The following ZFYVE9 variants were observed in gnomAD, a reference collection of about 807,000 sequenced individuals.
ZFYVE9 encodes the protein zinc finger FYVE-type containing 9.
A neutral mutation model predicts 126.7 loss-of-function variants in ZFYVE9; 43 were observed. The ratio of observed to expected loss-of-function variants is 0.34; its 90% CI spans 0.27 to 0.44. The LOEUF (loss-of-function observed/expected upper bound fraction) is 0.44. Ranked by LOEUF, ZFYVE9 falls within the 20% of genes least tolerant of loss-of-function variation. ZFYVE9 has a pLI of 1.00. For synonymous variants in ZFYVE9, 521 were observed against 597.4 expected, an observed-to-expected ratio of 0.87 and a Z score of 1.87; for missense variants, 1,476 against 1,697.0, an observed-to-expected ratio of 0.87 and a Z score of 2.29.
intron 4 of ZFYVE9, among the ~76,000 whole-genome samples, chr1:52,260,910 A>C (rs986901076): frequency 1.3e-5 from 2 of 152,188 alleles, no homozygotes; most frequent in African/African-American, 4.8e-5. Flanking sequence ...GCCTCAGCAT[A>C]TTCCATGCAT....
rs1020584693 is a variant in ZFYVE9, at chr1:52,238,698, G to T, written c.1281G>T (p.Gln427His). 18 of 1,614,002 alleles carry T rather than the reference G, an allele frequency of 1.1e-5. No homozygotes were observed. Among genetic ancestry groups the T allele is most frequent in the Non-Finnish European group, 1.4e-5 (17 of 1,179,990 alleles). The change falls in exon 4 of 19, where the codon CAG (glutamine) becomes CAT (histidine). Residue 427 changes from glutamine (Q) to histidine (H), a missense_variant. Coordinates refer to ENST00000287727, the MANE Select transcript of ZFYVE9 (RefSeq NM_004799.4). ...AGGAAAAGTTTCTACAGATTAGTCA[G>T]CCTGAGGACACTAATGGTGATAGTG... ...EEKEKFLQIS[Q>H]PEDTNGDSGG...
At chr1:52,259,691 G>A (rs1277706530) in intron 4 of ZFYVE9, among the ~76,000 whole-genome samples, 1 of 151,932 alleles carries the variant, frequency 6.6e-6, no homozygotes, top group African/African-American at 2.4e-5. Context: ...CAGCTGTTCA[G>A]GAGGCTGAAG....
intron 4 of ZFYVE9, among the ~76,000 whole-genome samples, chr1:52,247,924 A>G (rs941843751): frequency 5.9e-5 from 9 of 152,096 alleles, no homozygotes; most frequent in African/African-American, 2.2e-4. Context: ...TGGTTACACA[A>G]TGTTTGTACC....
intron 2 of ZFYVE9, among the ~76,000 whole-genome samples, chr1:52,223,957 T>C (rs947190294): frequency 6.6e-6 from 1 of 152,162 alleles, no homozygotes; most frequent in Non-Finnish European, 1.5e-5. Context: ...AAGTGTACAG[T>C]TGTGGCTCCA....
At chr1:52,177,147 G>A (rs1417925040) in intron 1 of ZFYVE9, among the ~76,000 whole-genome samples, 6 of 149,140 alleles carry the variant, frequency 4.0e-5, no homozygotes, top group Admixed American at 2.0e-4. Context: ...TCCCCAGCCC[G>A]ATTTTTTTTT....
At chr1:52,281,135 CT>C (rs539866378) in intron 9 of ZFYVE9, among the ~76,000 whole-genome samples, 82 of 137,208 alleles carry the variant, frequency 6.0e-4, no homozygotes, top group East Asian at 8.3e-4. Flanking sequence ...CTTTTCTTTT[CT>C]TTTTTTTTTT....
chr1:52,257,952 C>A (rs1304470340), intron 4 of ZFYVE9, among the ~76,000 whole-genome samples: 1 of 152,178 alleles, frequency 6.6e-6, no homozygotes, highest in Non-Finnish European at 1.5e-5. Flanking sequence ...GTCTCAAACT[C>A]CTGACCTCAG....
chr1:52,312,968 G>A (rs1301533657), intron 13 of ZFYVE9, among the ~76,000 whole-genome samples: 1 of 152,104 alleles, frequency 6.6e-6, no homozygotes, highest in East Asian at 1.9e-4. Flanking sequence ...AATCCAATAT[G>A]ACTGGTGTCC....
At chr1:52,312,164 C>T (rs1375861465) in intron 13 of ZFYVE9, among the ~76,000 whole-genome samples, 1 of 152,080 alleles carries the variant, frequency 6.6e-6, no homozygotes, top group Non-Finnish European at 1.5e-5. Flanking sequence ...ATCTAACTTC[C>T]CAATATAGCT....
intron 1 of ZFYVE9, among the ~76,000 whole-genome samples, chr1:52,192,912 T>A (rs1644828662): frequency 6.6e-6 from 1 of 152,298 alleles, no homozygotes; most frequent in Admixed American, 6.5e-5. Flanking sequence ...ATTTAAGTAA[T>A]AAGAAATCTT....
At chr1:52,185,136 A>C (rs1027893734) in intron 1 of ZFYVE9, among the ~76,000 whole-genome samples, 8 of 152,192 alleles carry the variant, frequency 5.3e-5, no homozygotes, top group African/African-American at 1.9e-4. Flanking sequence ...CACTCATCCC[A>C]GGTTTATGCT....
chr1:52,229,909 C>T (rs1375150070), intron 2 of ZFYVE9, among the ~76,000 whole-genome samples: 2 of 151,670 alleles, frequency 1.3e-5, no homozygotes, highest in African/African-American at 2.4e-5. Flanking sequence ...GCTCTGTCGC[C>T]CAGGCTGGAG....
At chr1:52,147,879 T>C (rs546505982) in intron 1 of ZFYVE9, among the ~76,000 whole-genome samples, 14 of 152,296 alleles carry the variant, frequency 9.2e-5, no homozygotes, top group Non-Finnish European at 1.5e-4. Flanking sequence ...ACACTTGTTA[T>C]CTGTTTTTTT....
intron 1 of ZFYVE9, among the ~76,000 whole-genome samples, chr1:52,198,110 G>GT (rs1329262004): frequency 0.13 from 5,041 of 39,750 alleles, 356 homozygotes; most frequent in African/African-American, 0.24. Flanking sequence ...ATATTGTAGT[G>GT]TTTTTTTTTG....
chr1:52,252,302 T>G (rs1645455910), intron 4 of ZFYVE9: 2 of 156,080 alleles, frequency 1.3e-5, no homozygotes, highest in South Asian at 3.9e-4. Flanking sequence ...TTGAAAAATT[T>G]GTTTTGTTGT....
intron 13 of ZFYVE9, among the ~76,000 whole-genome samples, chr1:52,318,959 T>C (rs1646212722): frequency 6.6e-6 from 1 of 152,080 alleles, no homozygotes; most frequent in African/African-American, 2.4e-5. Context: ...TAGCCAGGTG[T>C]CATGGCACAT....
chr1:52,154,304 G>A (rs1644382296), intron 1 of ZFYVE9, among the ~76,000 whole-genome samples: 1 of 152,232 alleles, frequency 6.6e-6, no homozygotes, highest in South Asian at 2.1e-4. Context: ...TAGTCTGTTG[G>A]TCTGCCTGAG....
chr1:52,333,496 A>G (rs1646362266), intron 14 of ZFYVE9, among the ~76,000 whole-genome samples: 1 of 152,148 alleles, frequency 6.6e-6, no homozygotes, highest in South Asian at 2.1e-4. Context: ...CCCCAGATTC[A>G]CTAATCAAAA....
intron 13 of ZFYVE9, among the ~76,000 whole-genome samples, chr1:52,315,027 A>T (rs996053202): frequency 1.5e-5 from 2 of 134,212 alleles, no homozygotes; most frequent in Admixed American, 7.4e-5. Flanking sequence ...CATCAAGGAG[A>T]ATACCAAATA....
Sources: gnomAD v4.1 joint callset for allele counts (sites outside exome capture counted in the v4.1 genomes callset) on GRCh38, gnomAD v4.1.1 for gene constraint, MANE v1.5 for transcripts, NCBI Gene and HGNC (gene_info 2026-07-23, HGNC 2026-07-21) for gene names.